LONRF2: variants seen among roughly 807,000 people sequenced by gnomAD.
The protein encoded by LONRF2 is LON peptidase N-terminal domain and ring finger 2, also known as LON peptidase N-terminal domain and RING finger protein 2.
LONRF2 carries 35 observed loss-of-function variants against 66.6 expected under a neutral mutation model. That is an observed-to-expected ratio of 0.53 (90% CI 0.40 to 0.70). The LOEUF is 0.70. LONRF2 is among the 30% of genes least tolerant of loss of function. The pLI is 0.00. For missense variants in LONRF2, 902 were observed against 1,002.1 expected, an observed-to-expected ratio of 0.90 and a Z score of 1.35; for synonymous variants, 417 against 418.1, an observed-to-expected ratio of 1.00 and a Z score of 0.03.
Position 100,299,270 on chromosome 2 carries a change from C to A in LONRF2, c.1317G>T (p.Gly439=). 6.3e-7 allele frequency: 1 copy of A among 1,594,820 alleles called. No individual in the cohort carries two copies. Among genetic ancestry groups the A allele is most frequent in the Non-Finnish European group, 8.6e-7 (1 of 1,168,980 alleles). ...SPNSETEESQ[G]LSLDVTDFEC... ...CAAAGTCAGTTACATCAAGCGAGAG[C>A]CCCTGACTTTCTTCTGTCTCAGAGT... The change falls in exon 6 of 12, where the codon GGG becomes GGT. Residue 439 remains glycine (G), a synonymous_variant. Coordinates refer to ENST00000393437, the MANE Select transcript of LONRF2 (RefSeq NM_198461.4).
At chr2:100,304,896 G>A (rs1675261460) in intron 2 of LONRF2, among the ~76,000 whole-genome samples, 1 of 150,118 alleles carries the variant, frequency 6.7e-6, no homozygotes, top group Non-Finnish European at 1.5e-5. Context: ...CTCACCAAGT[G>A]CTGGGATTAT....
At chr2:100,313,301 C>G (rs560304453) in intron 1 of LONRF2, among the ~76,000 whole-genome samples, 2 of 152,262 alleles carry the variant, frequency 1.3e-5, no homozygotes, top group East Asian at 3.9e-4. Flanking sequence ...TTGAGACCAG[C>G]CTGGCCAATA....
rs944862972 is a variant in LONRF2 at position 100,278,855 on chromosome 2, T to C, written c.*5443A>G. ...CAAAGTGGGCACATGACATGTTTGC[T>C]GTTCTTCCTTTTAATACTGAGGAGT... On this transcript the variant is annotated 3_prime_UTR_variant, in exon 12 of 12. Coordinates refer to ENST00000393437, the MANE Select transcript of LONRF2 (RefSeq NM_198461.4). 1.1e-4 allele frequency: 17 copies of C among 152,184 alleles called. No homozygotes were observed. Among genetic ancestry groups the C allele is most frequent in the African/African-American group, 4.1e-4 (17 of 41,418 alleles). The allele number at this position is 152,184 out of a possible 1,614,324, so 9.4% of individuals were successfully genotyped here.
chr2:100,290,985 T>G (rs944972052), intron 9 of LONRF2, among the ~76,000 whole-genome samples: 1 of 152,184 alleles, frequency 6.6e-6, no homozygotes, highest in Non-Finnish European at 1.5e-5. Context: ...ATGAGTTCCA[T>G]GTGCACTGAG....
intron 9 of LONRF2, among the ~76,000 whole-genome samples, chr2:100,293,156 G>A (rs1335320470): frequency 6.6e-6 from 1 of 152,182 alleles, no homozygotes; most frequent in African/African-American, 2.4e-5. Context: ...TGGAGATGCT[G>A]ACAGGAATTA....
chr2:100,286,959 A>C lies in LONRF2; in HGVS notation c.2025T>G (p.Ile675Met). Residue 675 changes from isoleucine to methionine, a missense_variant, in exon 11 of 12, where the codon ATT becomes ATG. Ile to Met is a conservative substitution (Grantham distance 10). This residue lies in a region of LONRF2 where 317 missense variants were observed against 432.2 expected (regional missense o/e 0.73). Coordinates refer to ENST00000393437, the MANE Select transcript of LONRF2 (RefSeq NM_198461.4). ...ASLQDRMKEQ[I>M]LSHFGVMPDR... ...CTGGCATTACCCCAAAATGACTTAA[A>C]ATTTGTTCTTTCATGCGATCCTGGA... 6.2e-7 allele frequency: 1 copy of C among 1,614,120 alleles called. No individual in the cohort carries two copies. The highest frequency in any genetic ancestry group is 8.5e-7 in the Non-Finnish European group (1 of 1,180,002).
chr2:100,303,372 C>T (rs189271884), intron 2 of LONRF2, among the ~76,000 whole-genome samples: 10 of 152,222 alleles, frequency 6.6e-5, no homozygotes, highest in African/African-American at 2.4e-4. Flanking sequence ...TCATTACCAT[C>T]TTCCTGGCTT....
At chr2:100,315,372 G>A (rs1171517602) in intron 1 of LONRF2, among the ~76,000 whole-genome samples, 3 of 152,088 alleles carry the variant, frequency 2.0e-5, no homozygotes, top group Non-Finnish European at 4.4e-5. Context: ...TTCTATGTAT[G>A]CCAGGTCATC....
rs1223401305 is a variant in LONRF2 at position 100,321,750 on chromosome 2, G to C, written c.344C>G (p.Ala115Gly). ...CTCGGGCTCGCCGCCCGGGTTCTCC[G>C]CGGACAGCGGCCGGTCGCGCAGGCC... ...AVGLRDRPLS[A>G]ENPGGEPEAP... The change falls in exon 1 of 12, where the codon GCG becomes GGG. Residue 115 changes from alanine (A) to glycine (G), a missense_variant. Around this residue, in one of 2 missense-constraint regions of LONRF2, gnomAD observed 585 missense variants for 569.9 expected, o/e 1.03. Transcript: ENST00000393437. The C allele has an allele frequency of 2.2e-5, 23 of 1,063,850 alleles. No individual in the cohort carries two copies. Among genetic ancestry groups the C allele is most frequent in the Non-Finnish European group, 2.6e-5 (23 of 883,592 alleles). The allele number at this position is 1,063,850 out of a possible 1,614,324, so 65.9% of individuals were successfully genotyped here.
intron 2 of LONRF2, among the ~76,000 whole-genome samples, chr2:100,306,126 C>A (rs1461179636): frequency 2.6e-5 from 4 of 151,894 alleles, no homozygotes; most frequent in Admixed American, 1.3e-4. Context: ...GTTGGCCAGG[C>A]TGGTCTTGAA....
Position 100,309,137 on chromosome 2 carries a change from T to G in LONRF2, c.768A>C (p.Ala256=). 6.2e-7 allele frequency: 1 copy of G among 1,601,058 alleles called. No individual in the cohort carries two copies. The highest frequency in any genetic ancestry group is 1.1e-5 in the South Asian group (1 of 88,070). The part of the protein sequence containing the change: ...NYEQALQDAS[A]ACQNEPLLIK... The stretch of plus-strand genomic sequence containing the variant: ...TCAAGAGAGGTTCATTCTGACAAGC[T>G]GCACTGGCATCTTGGAGAGCTTGCT... The change falls in exon 2 of 12, where the codon GCA becomes GCC. Residue 256 remains alanine, a synonymous_variant. Transcript: ENST00000393437.
intron 1 of LONRF2, among the ~76,000 whole-genome samples, chr2:100,317,512 AAT>A (rs1310956727): frequency 2.0e-5 from 3 of 152,190 alleles, no homozygotes; most frequent in Non-Finnish European, 2.9e-5. Flanking sequence ...TGTTATTTGA[AAT>A]AGTCAATATT....
rs144384093 is a variant in LONRF2, at chr2:100,282,673, C to T, written c.*1625G>A. The T allele has an allele frequency of 5.3e-5, 8 of 152,298 alleles. No homozygotes were observed. The highest frequency in any genetic ancestry group is 1.9e-4 in the African/African-American group (8 of 41,562). The allele number at this position is 152,298 out of a possible 1,614,324, so 9.4% of individuals were successfully genotyped here. ...CTTGGCCAAACTGCCATTAAACCAT[C>T]TCAAGATGATATTTGAGATTCACAA... is the stretch of plus-strand genomic sequence containing the variant. On this transcript the variant is annotated 3_prime_UTR_variant, in exon 12 of 12. Coordinates refer to ENST00000393437, the MANE Select transcript of LONRF2 (RefSeq NM_198461.4).
chr2:100,306,765 C>G (rs1205296320), intron 2 of LONRF2, among the ~76,000 whole-genome samples: 2 of 152,210 alleles, frequency 1.3e-5, no homozygotes, highest in Admixed American at 1.3e-4. Flanking sequence ...TGATCACACT[C>G]AGCCACCTTA....
At chr2:100,302,868 A>G (rs2105727494) in intron 3 of LONRF2, 53 bp downstream of exon 3, 2 of 1,478,792 alleles carry the variant, frequency 1.4e-6, no homozygotes, top group East Asian at 2.4e-5. Context: ...CAGCATGGAC[A>G]TGAAGGCTAT....
At chr2:100,289,715 C>T (rs1425012261) in intron 10 of LONRF2, among the ~76,000 whole-genome samples, 1 of 152,118 alleles carries the variant, frequency 6.6e-6, no homozygotes, top group African/African-American at 2.4e-5. Context: ...GGATTACAGG[C>T]GTGAGCCACC....
chr2:100,285,639 G>C (rs1243173780), intron 11 of LONRF2, among the ~76,000 whole-genome samples: 1 of 152,180 alleles, frequency 6.6e-6, no homozygotes, highest in Non-Finnish European at 1.5e-5. Context: ...GCTGTGGTCA[G>C]AGGGACATGT....
chr2:100,300,035 T>G (rs1170117692), intron 4 of LONRF2, 117 bp from the exon 5 acceptor site: 1 of 599,118 alleles, frequency 1.7e-6, no homozygotes, highest in Non-Finnish European at 2.9e-6. Context: ...GGGCATACAC[T>G]CTTCTTCATA....
chr2:100,294,015 T>G lies in LONRF2; in HGVS notation c.1757+214A>C, dbSNP rs151111115. 6.5e-3 allele frequency among the ~76,000 whole-genome samples: 990 copies of G among 152,084 alleles called. 9 individuals carry two copies. Among genetic ancestry groups the G allele is most frequent in the African/African-American group, 0.022 (930 of 41,498 alleles). ...AAGAGAAGGGCAAGTAGCATGGCAA[T>G]GGACTAGTGGGTGTGATACTTGAAA... On this transcript the variant is annotated intron_variant, in intron 9 of 11. Transcript: ENST00000393437.
Sources: allele counts gnomAD v4.1 joint callset (sites outside exome capture counted in the v4.1 genomes callset), GRCh38; gene constraint gnomAD v4.1.1; regional missense constraint gnomAD v4.1.1; transcripts MANE v1.5; gene names NCBI Gene and HGNC (gene_info 2026-07-23, HGNC 2026-07-21).